The following B3GALT1 variants were observed in gnomAD, a reference collection of about 807,000 sequenced individuals.
B3GALT1 encodes the protein UDP-Gal:betaGlcNAc beta 1,3-galactosyltransferase, polypeptide 1.
Under a neutral mutation model 23.2 loss-of-function variants are expected in B3GALT1, and 10 were observed. That is an observed-to-expected ratio of 0.43 (90% CI 0.27 to 0.73). The LOEUF (loss-of-function observed/expected upper bound fraction) is 0.73. B3GALT1 is among the 30% of genes least tolerant of loss of function. The pLI is 0.21. For missense variants in B3GALT1, 299 were observed against 405.4 expected, an observed-to-expected ratio of 0.74 and a Z score of 2.25; for synonymous variants, 156 against 141.5, an observed-to-expected ratio of 1.10 and a Z score of -0.73.
chr2:167,451,210 T>C (rs1394426117), intron 1 of B3GALT1, among the ~76,000 whole-genome samples: 1 of 152,084 alleles, frequency 6.6e-6, no homozygotes, highest in African/African-American at 2.4e-5. Context: ...AGGGATTTCT[T>C]CTTGATTTGG....
intron 1 of B3GALT1, among the ~76,000 whole-genome samples, chr2:167,472,000 TAGTAAGGA>T (rs1699424510): frequency 6.6e-6 from 1 of 152,210 alleles, no homozygotes. Context: ...TTATACTCTG[TAGTAAGGA>T]ACTTCCTTTC....
chr2:167,349,124 A>G (rs1424398166), intron 1 of B3GALT1, among the ~76,000 whole-genome samples: 1 of 152,200 alleles, frequency 6.6e-6, no homozygotes, highest in Non-Finnish European at 1.5e-5. Context: ...TATTTTTTGC[A>G]GTTTCAGTTA....
intron 2 of B3GALT1, among the ~76,000 whole-genome samples, chr2:167,646,339 C>A (rs1685748176): frequency 6.6e-6 from 1 of 152,144 alleles, no homozygotes; most frequent in African/African-American, 2.4e-5. Flanking sequence ...GCCAAACTCC[C>A]CTCTTTCTAA....
chr2:167,329,839 G>A (rs537685359), intron 1 of B3GALT1, among the ~76,000 whole-genome samples: 2 of 150,850 alleles, frequency 1.3e-5, no homozygotes, highest in East Asian at 3.9e-4. Context: ...TTCAGCCTTT[G>A]AATCTATGTC....
At position 167,701,500 on chromosome 2, in the gene B3GALT1, C is replaced by T. The variant is rs192506830; in HGVS notation, c.-352+54534C>T. 2.7e-3 allele frequency among the ~76,000 whole-genome samples: 404 copies of T among 152,232 alleles called. 2 individuals carry two copies. The highest frequency in any genetic ancestry group is 4.8e-3 in the Non-Finnish European group (324 of 68,020). ...ACCTATGATGGTCGTAAAGTTTACT[C>T]TCTAAGTGCATCAGCAGAGTAATGA... On this transcript the variant is annotated intron_variant, in intron 3 of 4. Transcript: ENST00000392690.
chr2:167,542,088 T>C (rs1329521642), intron 2 of B3GALT1, among the ~76,000 whole-genome samples: 3 of 152,126 alleles, frequency 2.0e-5, no homozygotes, highest in African/African-American at 7.2e-5. Flanking sequence ...ATAAATCCTA[T>C]TACTGTTTTC....
intron 1 of B3GALT1, among the ~76,000 whole-genome samples, chr2:167,449,551 T>C (rs889667923): frequency 1.3e-5 from 2 of 152,200 alleles, no homozygotes; most frequent in Non-Finnish European, 2.9e-5. Flanking sequence ...CAGCAGCAGT[T>C]TGACTTCCTC....
chr2:167,791,514 T>C (rs1191168689), intron 3 of B3GALT1, among the ~76,000 whole-genome samples: 1 of 152,188 alleles, frequency 6.6e-6, no homozygotes, highest in Non-Finnish European at 1.5e-5. Context: ...GTCTACTCAA[T>C]GTAGTCTCTG....
At chr2:167,667,454 T>G (rs1048642042) in intron 3 of B3GALT1, among the ~76,000 whole-genome samples, 1 of 152,094 alleles carries the variant, frequency 6.6e-6, no homozygotes, top group Non-Finnish European at 1.5e-5. Context: ...TCGAGGAGTA[T>G]CTTTGTGGTG....
At chr2:167,559,848 C>T (rs966008364) in intron 2 of B3GALT1, among the ~76,000 whole-genome samples, 21 of 152,218 alleles carry the variant, frequency 1.4e-4, no homozygotes, top group African/African-American at 3.1e-4. Context: ...CTCAAAGTGA[C>T]GGGGAGAATG....
At chr2:167,642,676 C>T (rs1465285602) in intron 2 of B3GALT1, among the ~76,000 whole-genome samples, 1 of 152,122 alleles carries the variant, frequency 6.6e-6, no homozygotes, top group Non-Finnish European at 1.5e-5. Flanking sequence ...AGGAGCAAGG[C>T]TAAATATAGC....
At chr2:167,353,901 G>A (rs559006930) in intron 1 of B3GALT1, among the ~76,000 whole-genome samples, 2 of 150,710 alleles carry the variant, frequency 1.3e-5, no homozygotes, top group East Asian at 4.0e-4. Context: ...TTTTTTTCTT[G>A]TGGTAATAAA....
intron 1 of B3GALT1, among the ~76,000 whole-genome samples, chr2:167,478,717 TC>T (rs1445409205): frequency 7.0e-6 from 1 of 142,650 alleles, no homozygotes; most frequent in Admixed American, 7.0e-5. Context: ...TCGTCCCTCC[TC>T]CCCCCACCCC....
intron 3 of B3GALT1, among the ~76,000 whole-genome samples, chr2:167,755,370 G>T (rs923532053): frequency 2.0e-5 from 3 of 151,586 alleles, no homozygotes; most frequent in African/African-American, 7.3e-5. Context: ...GGTTGATGTT[G>T]CATTGTTCAC....
intron 3 of B3GALT1, among the ~76,000 whole-genome samples, chr2:167,682,024 A>G (rs543922928): frequency 1.7e-4 from 26 of 152,254 alleles, no homozygotes; most frequent in African/African-American, 5.3e-4. Context: ...AAAATGTCAC[A>G]GCTGTTTTTG....
intron 2 of B3GALT1, among the ~76,000 whole-genome samples, chr2:167,540,078 A>G (rs1683510824): frequency 6.6e-6 from 1 of 152,098 alleles, no homozygotes; most frequent in African/African-American, 2.4e-5. Context: ...GCTTGGGAAA[A>G]CACTAGTCAT....
At chr2:167,847,115 A>G (rs1035026341) in intron 4 of B3GALT1, among the ~76,000 whole-genome samples, 1 of 152,202 alleles carries the variant, frequency 6.6e-6, no homozygotes, top group Non-Finnish European at 1.5e-5. Context: ...AACAATTACT[A>G]GTAGACCTAA....
chr2:167,491,675 C>T (rs1291486402), intron 2 of B3GALT1, among the ~76,000 whole-genome samples: 3 of 151,656 alleles, frequency 2.0e-5, no homozygotes, highest in Non-Finnish European at 2.9e-5. Context: ...ATTACCCAGG[C>T]GTGGTGGCGG....
At chr2:167,535,652 G>T (rs879280559) in intron 2 of B3GALT1, among the ~76,000 whole-genome samples, 1 of 151,640 alleles carries the variant, frequency 6.6e-6, no homozygotes, top group Non-Finnish European at 1.5e-5. Context: ...TTTAACAGAT[G>T]CTCTGTTAAT....
Sources: gnomAD v4.1 joint callset for allele counts (sites outside exome capture counted in the v4.1 genomes callset) on GRCh38, gnomAD v4.1.1 for gene constraint, MANE v1.5 for transcripts, NCBI Gene and HGNC (gene_info 2026-07-23, HGNC 2026-07-21) for gene names.